CAMSAP1: variants seen among roughly 807,000 people sequenced by gnomAD.
CAMSAP1 encodes the protein calmodulin regulated spectrin associated protein 1.
In CAMSAP1, 58 loss-of-function variants were observed where a neutral mutation model predicts 143.5. The observed-to-expected ratio is 0.40, with a 90% CI of 0.33 to 0.50. CAMSAP1 has a LOEUF of 0.50. Ranked by LOEUF, CAMSAP1 falls within the 20% of genes least tolerant of loss-of-function variation. The pLI is 0.45. For missense variants in CAMSAP1, 1,969 were observed against 2,115.7 expected (o/e 0.93, Z 1.36); for synonymous variants, 945 against 859.3 (o/e 1.10, Z -1.74).
At chr9:135,852,459 T>G (rs1836816041) in intron 5 of CAMSAP1, among the ~76,000 whole-genome samples, 1 of 152,220 alleles carries the variant, frequency 6.6e-6, no homozygotes, top group South Asian at 2.1e-4. Context: ...AATTCTTAAA[T>G]TTTACTTTTC....
At chr9:135,866,155 G>A (rs1837372037) in intron 4 of CAMSAP1, among the ~76,000 whole-genome samples, 1 of 152,184 alleles carries the variant, frequency 6.6e-6, no homozygotes, top group Admixed American at 6.5e-5. Context: ...GTTGACTTGT[G>A]GAAGCTAGCA....
chr9:135,815,954 G>A lies in CAMSAP1; in HGVS notation c.4323C>T (p.Ser1441=). The change falls in exon 15 of 17, where the codon AGC becomes AGT. Residue 1441 remains serine, a synonymous_variant. Transcript: ENST00000389532. ...LPILSRNPSR[S]TDRDWETASA... Reference sequence around the variant, plus strand: ...ACGCGGTCTCCCAGTCTCGGTCTGTGCTCCTGCTTGGGTTACGGCTCAGTA... The same window carrying A: ...ACGCGGTCTCCCAGTCTCGGTCTGTACTCCTGCTTGGGTTACGGCTCAGTA... 1 of 1,613,874 alleles carries A rather than the reference G, an allele frequency of 6.2e-7. No individual in the cohort carries two copies. The highest frequency in any genetic ancestry group is 8.5e-7 in the Non-Finnish European group (1 of 1,179,916).
chr9:135,815,934 G>A lies in CAMSAP1; in HGVS notation c.4343C>T (p.Thr1448Ile). 1 of 1,613,818 alleles carries A rather than the reference G, an allele frequency of 6.2e-7. No homozygotes were observed. Among genetic ancestry groups the A allele is most frequent in the Non-Finnish European group, 8.5e-7 (1 of 1,179,906 alleles). The change falls in exon 15 of 17, where the codon ACC becomes ATC. Residue 1448 changes from threonine (T) to isoleucine (I), a missense_variant. Physicochemically the swap from Thr to Ile is moderately conservative, Grantham distance 89 (BLOSUM62 -1). Transcript: ENST00000389532. ...GGCCAGGGAAGATGCCGCCGACGCG[G>A]TCTCCCAGTCTCGGTCTGTGCTCCT... ...PSRSTDRDWE[T>I]ASAASSLASV...
In CAMSAP1 at chr9:135,819,672, T is replaced by C. The variant is rs866736957; in HGVS notation, c.3823-526A>G. On this transcript the variant is annotated intron_variant, in intron 11 of 16. Coordinates refer to ENST00000389532, the MANE Select transcript of CAMSAP1 (RefSeq NM_015447.4). Reference sequence around the variant, plus strand: ...GACATGGCGAAACCCTGTCTCCACTTAAAAAAAAAAAAAAAAAAAAAAAAA... The same window carrying C: ...GACATGGCGAAACCCTGTCTCCACTCAAAAAAAAAAAAAAAAAAAAAAAAA... Among the ~76,000 whole-genome samples the C allele has an allele frequency of 7.6e-5, 8 of 104,632 alleles. No homozygotes were observed. The Middle Eastern group carries it at 0.02, about 264-fold the overall frequency. 68.6% of individuals were successfully genotyped at this position (104,632 alleles called of 152,430 possible).
chr9:135,824,772 G>A lies in CAMSAP1; in HGVS notation c.1315+17C>T, dbSNP rs780932427. 1.3e-6 allele frequency: 2 copies of A among 1,501,048 alleles called. No homozygotes were observed. Among genetic ancestry groups the A allele is most frequent in the South Asian group, 2.6e-5 (2 of 77,122 alleles). 93.0% of individuals were successfully genotyped at this position (1,501,048 alleles called of 1,614,324 possible). ...TAAGGAGAAATTAAGGAAAAAAGGA[G>A]GAAACAACATTCTTACCAGGGATGT... is the stretch of plus-strand genomic sequence containing the variant. On this transcript the variant is annotated intron_variant, in intron 9 of 16. Coordinates refer to ENST00000389532, the MANE Select transcript of CAMSAP1 (RefSeq NM_015447.4). This position sits in a 1 kb window ranked among gnomAD's most constrained non-coding sequence, Gnocchi z 4.1.
chr9:135,884,127 A>G (rs1187759681), intron 1 of CAMSAP1, among the ~76,000 whole-genome samples: 2 of 151,818 alleles, frequency 1.3e-5, no homozygotes, highest in African/African-American at 4.8e-5. Context: ...CGCGCCCAAC[A>G]CTCTGCTAGG....
intron 7 of CAMSAP1, among the ~76,000 whole-genome samples, chr9:135,829,259 T>C (rs1835774801): frequency 6.6e-6 from 1 of 151,762 alleles, no homozygotes; most frequent in Admixed American, 6.6e-5. Flanking sequence ...CCCAACATTT[T>C]GGAAGGCTGA....
intron 5 of CAMSAP1, 65 bp from the exon 6 acceptor site, chr9:135,850,526 A>G: frequency 7.4e-7 from 1 of 1,347,338 alleles, no homozygotes; most frequent in Non-Finnish European, 1.0e-6. Flanking sequence ...AGAGAGAAGC[A>G]TTCTAAAATG....
At chr9:135,856,491 T>C (rs1588478017) in intron 5 of CAMSAP1, among the ~76,000 whole-genome samples, 1 of 152,272 alleles carries the variant, frequency 6.6e-6, no homozygotes, top group East Asian at 1.9e-4. Context: ...AGCCAAACCT[T>C]ATCACTGCCC....
At chr9:135,877,249 C>G (rs1374126788) in intron 3 of CAMSAP1, among the ~76,000 whole-genome samples, 1 of 151,914 alleles carries the variant, frequency 6.6e-6, no homozygotes, top group African/African-American at 2.4e-5. Context: ...GAAGAGCACA[C>G]ACCGCACAAC....
At chr9:135,876,842 C>CTACTAAAA (rs1837767026) in intron 3 of CAMSAP1, among the ~76,000 whole-genome samples, 2 of 152,004 alleles carry the variant, frequency 1.3e-5, no homozygotes, top group Non-Finnish European at 2.9e-5. Flanking sequence ...AACCCCGTCC[C>CTACTAAAA]TACTAAAAAT....
At chr9:135,870,884 A>G (rs561973728) in intron 3 of CAMSAP1, among the ~76,000 whole-genome samples, 26 of 152,238 alleles carry the variant, frequency 1.7e-4, no homozygotes, top group Non-Finnish European at 3.2e-4. Context: ...TTATATCTCA[A>G]TTTCTTAAAA....
At position 135,811,195 on chromosome 9, in the gene CAMSAP1, G is replaced by A. The variant is rs150654027; in HGVS notation, c.*114C>T. Reference sequence around the variant, plus strand: ...AAAGGTCTGTGACTTTGCACACTTCGTACCCAAATAGATGAAAACAATAAA... The same window carrying A: ...AAAGGTCTGTGACTTTGCACACTTCATACCCAAATAGATGAAAACAATAAA... On this transcript the variant is annotated 3_prime_UTR_variant, in exon 17 of 17. Coordinates refer to ENST00000389532, the MANE Select transcript of CAMSAP1 (RefSeq NM_015447.4). The surrounding 1 kb of genome is among the most constrained non-coding windows in gnomAD (Gnocchi z 4.9). 45 of 1,243,148 alleles carry A rather than the reference G, an allele frequency of 3.6e-5. No individual in the cohort carries two copies. The highest frequency in any genetic ancestry group is 2.7e-4 in the Middle Eastern group (1 of 3,644). 77.0% of individuals were successfully genotyped at this position (1,243,148 alleles called of 1,614,324 possible).
chr9:135,838,036 T>G (rs561310407), intron 7 of CAMSAP1, among the ~76,000 whole-genome samples: 1 of 151,314 alleles, frequency 6.6e-6, no homozygotes. Flanking sequence ...TTCTACCCCC[T>G]GTACAGACAC....
intron 7 of CAMSAP1, among the ~76,000 whole-genome samples, chr9:135,829,836 G>C (rs914552726): frequency 3.4e-5 from 5 of 147,830 alleles, no homozygotes; most frequent in African/African-American, 7.5e-5. Flanking sequence ...CTGGGCGACA[G>C]AGCGAGACTC....
intron 5 of CAMSAP1, among the ~76,000 whole-genome samples, chr9:135,854,072 C>T (rs1836869248): frequency 6.6e-6 from 1 of 152,242 alleles, no homozygotes; most frequent in African/African-American, 2.4e-5. Context: ...CCCTTTTGGG[C>T]CACTCCATCT....
chr9:135,881,810 G>A lies in CAMSAP1; in HGVS notation c.424-16C>T, dbSNP rs1837963914. On this transcript the variant is annotated splice_polypyrimidine_tract_variant and intron_variant, in intron 2 of 16. Coordinates refer to ENST00000389532, the MANE Select transcript of CAMSAP1 (RefSeq NM_015447.4). ...TGTGGGCACTCTAGGGGCAGAGGCA[G>A]CAGCTATAATCCCTCAAACCCACCC... The A allele has an allele frequency of 4.5e-6, 7 of 1,551,754 alleles. No homozygotes were observed. The highest frequency in any genetic ancestry group is 5.2e-6 in the Non-Finnish European group (6 of 1,146,868).
At chr9:135,903,233 TTCAC>T (rs1313144824) in intron 1 of CAMSAP1, among the ~76,000 whole-genome samples, 2 of 152,180 alleles carry the variant, frequency 1.3e-5, no homozygotes, top group Non-Finnish European at 2.9e-5. Flanking sequence ...TATTACAACT[TTCAC>T]TCAAACATCA....
chr9:135,862,718 A>C, intron 4 of CAMSAP1, 110 bp from the exon 5 acceptor site: 1 of 1,104,412 alleles, frequency 9.1e-7, no homozygotes, highest in Non-Finnish European at 1.3e-6. Context: ...AACAGACAAC[A>C]TGGAGAACAA....
Sources: allele counts gnomAD v4.1 joint callset (sites outside exome capture counted in the v4.1 genomes callset), GRCh38; gene constraint gnomAD v4.1.1; non-coding constraint Gnocchi (gnomAD v3.1); transcripts MANE v1.5; gene names NCBI Gene and HGNC (gene_info 2026-07-23, HGNC 2026-07-21).